SMAD2: variants seen among roughly 807,000 people sequenced by gnomAD.
SMAD2 encodes the protein MAD homolog 2.
SMAD2 carries 8 observed loss-of-function variants against 64.4 expected under a neutral mutation model. The observed-to-expected ratio is 0.12, with a 90% CI of 0.07 to 0.22. SMAD2 has a LOEUF of 0.22. Among genes scored for constraint, SMAD2 ranks in the 10% least tolerant of loss-of-function variants. The pLI, the probability that SMAD2 is intolerant of heterozygous loss-of-function variation, is 1.00. For synonymous variants in SMAD2, 203 were observed against 195.8 expected (o/e 1.04, Z -0.31); for missense variants, 289 against 561.2 (o/e 0.51, Z 4.90).
rs1326780649 is a variant in SMAD2, at chr18:47,821,526, A to C, written c.*20301T>G. 6.6e-6 allele frequency: 1 copy of C among 152,212 alleles called. No individual in the cohort carries two copies. Among genetic ancestry groups the C allele is most frequent in the African/African-American group, 2.4e-5 (1 of 41,466 alleles). The allele number at this position is 152,212 out of a possible 1,614,324, so 9.4% of individuals were successfully genotyped here. Reference sequence around the variant, plus strand: ...CCAAGAGCCATGTATTCTGTTCAACATACTAGCTTTCTTATTTACATTCCT... The same window carrying C: ...CCAAGAGCCATGTATTCTGTTCAACCTACTAGCTTTCTTATTTACATTCCT... On this transcript the variant is annotated 3_prime_UTR_variant, in exon 11 of 11. Transcript: ENST00000262160.
chr18:47,874,340 T>C (rs1052789176), intron 2 of SMAD2, among the ~76,000 whole-genome samples: 2 of 152,174 alleles, frequency 1.3e-5, no homozygotes, highest in African/African-American at 2.4e-5. Context: ...ACTCCACTTA[T>C]ACGAAGCTCT....
Position 47,833,975 on chromosome 18 carries a change from C to T in SMAD2, c.*7852G>A, listed in dbSNP as rs995087204. On this transcript the variant is annotated 3_prime_UTR_variant, in exon 11 of 11. Coordinates refer to ENST00000262160, the MANE Select transcript of SMAD2 (RefSeq NM_005901.6). The stretch of plus-strand genomic sequence containing the variant: ...AAGAACTTAGCTATCTAGTTGGCCT[C>T]TTCTCTGTTCCATTATAACATCAGT... 5 of 223,514 alleles carry T rather than the reference C, an allele frequency of 2.2e-5. No homozygotes were observed. Among genetic ancestry groups the T allele is most frequent in the African/African-American group, 4.5e-5 (2 of 44,470 alleles). 13.8% of individuals were successfully genotyped at this position (223,514 alleles called of 1,614,324 possible).
At chr18:47,851,694 CT>C (rs1372464200) in intron 6 of SMAD2, among the ~76,000 whole-genome samples, 1 of 151,954 alleles carries the variant, frequency 6.6e-6, no homozygotes, top group African/African-American at 2.4e-5. Context: ...CGTTTTTCAT[CT>C]TCTATATTAT....
rs1397012829 is a variant in SMAD2, at chr18:47,809,667, C to A, written c.*32160G>T. ...TTGTTGGATGACAGCCAATGTTCAG[C>A]CTTGTCTGTCTGTAATTCTCTTTAA... On this transcript the variant is annotated 3_prime_UTR_variant, in exon 11 of 11. Transcript: ENST00000262160. 1 of 152,228 alleles carries A rather than the reference C, an allele frequency of 6.6e-6. No homozygotes were observed. The highest frequency in any genetic ancestry group is 1.5e-5 in the Non-Finnish European group (1 of 68,062). 9.4% of individuals were successfully genotyped at this position (152,228 alleles called of 1,614,324 possible).
chr18:47,925,593 T>C (rs1387629540), intron 1 of SMAD2, among the ~76,000 whole-genome samples: 3 of 152,178 alleles, frequency 2.0e-5, no homozygotes, highest in Admixed American at 6.5e-5. Flanking sequence ...AACATTGAAT[T>C]ATGTCCTAAC....
intron 10 of SMAD2, 143 bp from the exon 11 acceptor site, chr18:47,842,093 T>C (rs763802317): frequency 1.2e-6 from 1 of 833,466 alleles, no homozygotes; most frequent in African/African-American, 1.7e-5. Context: ...TTCCGCAAAA[T>C]GGTTGATCCT....
In SMAD2 at chr18:47,841,819, G is replaced by T. The variant is rs769241147; in HGVS notation, c.*8C>A. 1 of 1,614,102 alleles carries T rather than the reference G, an allele frequency of 6.2e-7. No homozygotes were observed. The highest frequency in any genetic ancestry group is 2.2e-5 in the East Asian group (1 of 44,858). The stretch of plus-strand genomic sequence containing the variant: ...TAAGTCTTTTCATGGGACTTGATTG[G>T]TGAAGCTTTATGACATGCTTGAGCA... On this transcript the variant is annotated 3_prime_UTR_variant, in exon 11 of 11. Transcript: ENST00000262160.
At chr18:47,883,647 G>C (rs1301597233) in intron 2 of SMAD2, among the ~76,000 whole-genome samples, 1 of 152,056 alleles carries the variant, frequency 6.6e-6, no homozygotes, top group East Asian at 1.9e-4. Flanking sequence ...CCTTTATTAA[G>C]CAGATACAAT....
intron 7 of SMAD2, among the ~76,000 whole-genome samples, 177 bp from the exon 8 acceptor site, chr18:47,848,864 A>G (rs1414819235): frequency 6.6e-6 from 1 of 152,134 alleles, no homozygotes; most frequent in East Asian, 1.9e-4. Flanking sequence ...GATTTTCAGT[A>G]TTTTTCACAC....
intron 1 of SMAD2, among the ~76,000 whole-genome samples, chr18:47,904,689 T>C (rs1018131822): frequency 3.3e-5 from 5 of 152,288 alleles, no homozygotes; most frequent in South Asian, 2.1e-4. Flanking sequence ...CATCACTAAG[T>C]AGGATTTATC....
intron 1 of SMAD2, among the ~76,000 whole-genome samples, chr18:47,900,769 T>A (rs1312546288): frequency 6.6e-6 from 1 of 152,182 alleles, no homozygotes; most frequent in Non-Finnish European, 1.5e-5. Context: ...GCAATCTAGA[T>A]CATTGTAGTT....
At chr18:47,892,507 T>C (rs571245261) in intron 2 of SMAD2, among the ~76,000 whole-genome samples, 14 of 152,310 alleles carry the variant, frequency 9.2e-5, no homozygotes, top group African/African-American at 3.4e-4. Flanking sequence ...GTTATGTTTT[T>C]GTGGTTTTGT....
Position 47,831,252 on chromosome 18 carries a change from C to T in SMAD2, c.*10575G>A, listed in dbSNP as rs1555639938. Reference sequence around the variant, plus strand: ...TAAGCAGTAGCTCAATAACACCGTCCAGTTTTCATGTATATCCAGACACAC... The same window carrying T: ...TAAGCAGTAGCTCAATAACACCGTCTAGTTTTCATGTATATCCAGACACAC... On this transcript the variant is annotated 3_prime_UTR_variant, in exon 11 of 11. Transcript: ENST00000262160. 1 of 152,228 alleles carries T rather than the reference C, an allele frequency of 6.6e-6. No homozygotes were observed. Among genetic ancestry groups the T allele is most frequent in the Non-Finnish European group, 1.5e-5 (1 of 68,042 alleles). 9.4% of individuals were successfully genotyped at this position (152,228 alleles called of 1,614,324 possible).
chr18:47,861,373 G>A (rs1014886772), intron 6 of SMAD2, among the ~76,000 whole-genome samples: 2 of 152,072 alleles, frequency 1.3e-5, no homozygotes, highest in East Asian at 3.9e-4. Context: ...AGATGACATG[G>A]CTGTGTATGC....
rs2144288462 is a variant in SMAD2, at chr18:47,845,498, A to T, written c.1136-14T>A. On this transcript the variant is annotated splice_polypyrimidine_tract_variant and intron_variant, in intron 9 of 10. Coordinates refer to ENST00000262160, the MANE Select transcript of SMAD2 (RefSeq NM_005901.6). ...TCAGATTACAGCCTATGATTAAAAA[A>T]GGTAAAAGAAATTGTCAAAAGAGTA... The T allele has an allele frequency of 6.2e-7, 1 of 1,611,708 alleles. No homozygotes were observed. The highest frequency in any genetic ancestry group is 8.5e-7 in the Non-Finnish European group (1 of 1,177,840).
chr18:47,845,222 G>A, intron 10 of SMAD2, 118 bp downstream of exon 10: 3 of 1,063,328 alleles, frequency 2.8e-6, no homozygotes, highest in Non-Finnish European at 4.3e-6. Flanking sequence ...TTTACATAAA[G>A]ATCAGCTGAC....
intron 1 of SMAD2, among the ~76,000 whole-genome samples, chr18:47,902,493 C>T (rs2144492385): frequency 6.6e-6 from 1 of 152,200 alleles, no homozygotes; most frequent in East Asian, 1.9e-4. Flanking sequence ...CACAAGATCA[C>T]TTACCACTTG....
intron 6 of SMAD2, among the ~76,000 whole-genome samples, chr18:47,855,545 T>C (rs1480375750): frequency 2.0e-5 from 3 of 152,160 alleles, no homozygotes; most frequent in African/African-American, 7.2e-5. Flanking sequence ...CCCTCAGCTT[T>C]TGTCTGAAAA....
chr18:47,862,205 C>G (rs1168398743), intron 6 of SMAD2, among the ~76,000 whole-genome samples: 1 of 152,010 alleles, frequency 6.6e-6, no homozygotes, highest in Non-Finnish European at 1.5e-5. Context: ...CTTGAAGTAC[C>G]TGTATATAAC....
Sources: allele counts gnomAD v4.1 joint callset (sites outside exome capture counted in the v4.1 genomes callset), GRCh38; gene constraint gnomAD v4.1.1; transcripts MANE v1.5; gene names NCBI Gene and HGNC (gene_info 2026-07-23, HGNC 2026-07-21).